Variants in FRMD6 observed in about 807,000 individuals in gnomAD.
FRMD6 encodes FERM domain-containing protein 6.
A neutral mutation model predicts 73.2 loss-of-function variants in FRMD6; 37 were observed. The ratio of observed to expected loss-of-function variants is 0.51; its 90% CI spans 0.39 to 0.66. The LOEUF (loss-of-function observed/expected upper bound fraction) is 0.66. FRMD6 is among the 30% of genes least tolerant of loss of function. The pLI is 0.00. For synonymous variants in FRMD6, 273 were observed against 282.2 expected (o/e 0.97, Z 0.33); for missense variants, 714 against 780.5 (o/e 0.91, Z 1.02).
intron 10 of FRMD6, among the ~76,000 whole-genome samples, chr14:51,715,703 G>C (rs1333853816): frequency 6.6e-6 from 1 of 152,204 alleles, no homozygotes. Context: ...CACTTATTCA[G>C]AATATCTGAG....
the FRMD6 span, among the ~76,000 whole-genome samples, chr14:51,402,108 A>G: frequency 6.0e-4 from 92 of 152,312 alleles, 1 homozygote; most frequent in African/African-American, 1.4e-3. Flanking sequence ...TTGATATACT[A>G]TTGGCAGATA....
intron 1 of FRMD6, among the ~76,000 whole-genome samples, chr14:51,666,505 G>A (rs550570394): frequency 6.6e-6 from 1 of 152,332 alleles, no homozygotes; most frequent in Admixed American, 6.5e-5. Flanking sequence ...TAGAGGTGCT[G>A]TGAGACTTCG....
intron 1 of FRMD6, among the ~76,000 whole-genome samples, chr14:51,660,341 A>G (rs9671722): frequency 0.79 from 119,558 of 152,020 alleles, 47,396 homozygotes; most frequent in Non-Finnish European, 0.85. Flanking sequence ...ATCAAGGATG[A>G]TCACATAGGA....
At chr14:51,566,436 T>C (rs944933373) in intron 1 of FRMD6, among the ~76,000 whole-genome samples, 2 of 152,224 alleles carry the variant, frequency 1.3e-5, no homozygotes, top group Non-Finnish European at 2.9e-5. Flanking sequence ...TAAATATATA[T>C]GAACAACTTT....
At chr14:51,627,439 G>C (rs766871405) in intron 2 of FRMD6, among the ~76,000 whole-genome samples, 1 of 152,164 alleles carries the variant, frequency 6.6e-6, no homozygotes, top group African/African-American at 2.4e-5. Context: ...TCAGAAGAAG[G>C]TCTAGCCAGA....
At chr14:51,473,802 G>C in the FRMD6 span, among the ~76,000 whole-genome samples, 1 of 151,172 alleles carries the variant, frequency 6.6e-6, no homozygotes, top group East Asian at 1.9e-4. Flanking sequence ...TGGTCTTGGA[G>C]CTAATTTCTA....
At chr14:51,528,713 G>C (rs1220667721) in intron 1 of FRMD6, among the ~76,000 whole-genome samples, 1 of 152,062 alleles carries the variant, frequency 6.6e-6, no homozygotes, top group Non-Finnish European at 1.5e-5. Context: ...TTCTGACTTT[G>C]AATACAAAGA....
At position 51,588,079 on chromosome 14, in the gene FRMD6, T is replaced by C. The variant is rs1427284825; in HGVS notation, c.-147+17669T>C. Among the ~76,000 whole-genome samples the C allele has an allele frequency of 2.6e-5, 4 of 152,210 alleles. 1 individual carries two copies. The highest frequency in any genetic ancestry group is 2.1e-4 in the South Asian group (1 of 4,830). On this transcript the variant is annotated intron_variant, in intron 2 of 14. Transcript: ENST00000356218. ...CTGTGCTATTTCATATTCTCTCTTG[T>C]AATTTTTTTCACTGTTGAAAGTAAT...
At chr14:51,404,580 A>G in the FRMD6 span, among the ~76,000 whole-genome samples, 1 of 152,150 alleles carries the variant, frequency 6.6e-6, no homozygotes, top group South Asian at 2.1e-4. Flanking sequence ...TATATAAGCC[A>G]TAATGTGGAA....
chr14:51,450,056 T>C, the FRMD6 span, among the ~76,000 whole-genome samples: 5 of 152,214 alleles, frequency 3.3e-5, no homozygotes, highest in African/African-American at 1.2e-4. Flanking sequence ...GTGCATGTGA[T>C]TGTTGTCTGT....
At chr14:51,709,674 A>AT (rs1004354709) in intron 7 of FRMD6, among the ~76,000 whole-genome samples, 44 of 151,604 alleles carry the variant, frequency 2.9e-4, no homozygotes, top group Middle Eastern at 3.4e-3. Flanking sequence ...CTGAGTTGTA[A>AT]TTTTTTTTTA....
intron 12 of FRMD6, among the ~76,000 whole-genome samples, chr14:51,723,772 C>CAA (rs71443192): frequency 3.5e-3 from 488 of 138,704 alleles, no homozygotes; most frequent in African/African-American, 6.4e-3. Flanking sequence ...GAGACTCTGT[C>CAA]AAAAAAAAAA....
chr14:51,439,246 G>A, the FRMD6 span, among the ~76,000 whole-genome samples: 6 of 152,192 alleles, frequency 3.9e-5, no homozygotes, highest in African/African-American at 1.4e-4. Context: ...ATAGGTCTCT[G>A]TTTAGTAAAT....
Position 51,725,782 on chromosome 14 carries a change from T to G in FRMD6, c.1496T>G (p.Leu499Trp). 6.2e-7 allele frequency: 1 copy of G among 1,611,000 alleles called. No individual in the cohort carries two copies. The highest frequency in any genetic ancestry group is 8.5e-7 in the Non-Finnish European group (1 of 1,177,206). ...MSRKLNGHSG[L>W]IVKEIGSSTS... ...TTATCTCTGTGTTTTATTTCAGGGT[T>G]GATTGTGAAAGAAATTGGGTCTTCC... The change falls in exon 13 of 14, where the codon TTG (leucine) becomes TGG (tryptophan). Residue 499 changes from leucine to tryptophan, a missense_variant. Transcript: ENST00000344768.
At position 51,708,197 on chromosome 14, in the gene FRMD6, G is replaced by A. The variant is rs1360955220; in HGVS notation, c.678G>A (p.Leu226=). 1 of 1,613,052 alleles carries A rather than the reference G, an allele frequency of 6.2e-7. No individual in the cohort carries two copies. The highest frequency in any genetic ancestry group is 1.7e-5 in the Admixed American group (1 of 59,910). Residue 226 remains leucine, a synonymous_variant, in exon 7 of 14, where the codon CTG becomes CTA. Coordinates refer to ENST00000344768, the MANE Select transcript of FRMD6 (RefSeq NM_001267046.2). ...AATATATCAAAGAGGCTGTCCGACT[G>A]GATGACGTCGCTGTTCATTACTACA... ...HLKYIKEAVR[L]DDVAVHYYRL... is the part of the protein sequence containing the mutation.
At chr14:51,712,443 C>A (rs1426752064) in intron 8 of FRMD6, 40 bp from the exon 9 acceptor site, 11 of 1,239,676 alleles carry the variant, frequency 8.9e-6, no homozygotes, top group Non-Finnish European at 1.3e-5. Flanking sequence ...CAGTATCTAT[C>A]ATTTTTCCCA....
At chr14:51,402,686 T>C in the FRMD6 span, among the ~76,000 whole-genome samples, 1 of 150,850 alleles carries the variant, frequency 6.6e-6, no homozygotes. Flanking sequence ...TCACCCAGGC[T>C]GGAGTGCGGT....
the FRMD6 span, among the ~76,000 whole-genome samples, chr14:51,415,646 A>G: frequency 2.6e-5 from 4 of 152,166 alleles, no homozygotes; most frequent in Admixed American, 2.0e-4. Flanking sequence ...AGGCTTTGGT[A>G]TCAGGATGAT....
In FRMD6 at chr14:51,730,147, AAGAT is replaced by A. The variant is rs1388141137; in HGVS notation, c.*2120_*2123del. The A allele has an allele frequency of 2.6e-5, 4 of 152,226 alleles. No individual in the cohort carries two copies. The highest frequency in any genetic ancestry group is 7.2e-5 in the African/African-American group (3 of 41,452). 9.4% of individuals were successfully genotyped at this position (152,226 alleles called of 1,614,324 possible). A position where few individuals can be genotyped will look rare whatever the true frequency, so the allele number is the denominator to read the frequency against. On this transcript the variant is annotated 3_prime_UTR_variant, in exon 14 of 14. Coordinates refer to ENST00000344768, the MANE Select transcript of FRMD6 (RefSeq NM_001267046.2). ...TAAAAAAAGACATATTTAAGAAAGA[AAGAT>A]AAAGAAAAAACATATTTAATTACTG...
Sources: gnomAD v4.1 joint callset for allele counts (sites outside exome capture counted in the v4.1 genomes callset) on GRCh38, gnomAD v4.1.1 for gene constraint, MANE v1.5 for transcripts, NCBI Gene and HGNC (gene_info 2026-07-23, HGNC 2026-07-21) for gene names.